Variants in VDAC1 observed in about 807,000 individuals in gnomAD.
VDAC1 encodes the protein non-selective voltage-gated ion channel VDAC1.
VDAC1 carries 10 observed loss-of-function variants against 34.7 expected under a neutral mutation model. The ratio of observed to expected loss-of-function variants is 0.29; its 90% confidence interval spans 0.18 to 0.49. VDAC1 has a LOEUF of 0.49. Ranked by LOEUF, VDAC1 falls within the 20% of genes least tolerant of loss-of-function variation. VDAC1 has a pLI of 0.99. For synonymous variants in VDAC1, 130 were observed against 136.0 expected (o/e 0.96, Z 0.30); for missense variants, 230 against 347.9 (o/e 0.66, Z 2.69).
chr5:133,986,146 C>A (rs1752896579), intron 5 of VDAC1, among the ~76,000 whole-genome samples: 1 of 152,168 alleles, frequency 6.6e-6, no homozygotes, highest in Non-Finnish European at 1.5e-5. Flanking sequence ...CGAGAGAGGC[C>A]TGACTGATTT....
At chr5:134,087,625 C>G in the VDAC1 span, among the ~76,000 whole-genome samples, 6 of 152,158 alleles carry the variant, frequency 3.9e-5, no homozygotes, top group Admixed American at 3.9e-4. Flanking sequence ...GAGGCTGAGG[C>G]GGGCAGATCA....
At chr5:134,015,107 G>A in the VDAC1 span, among the ~76,000 whole-genome samples, 2 of 152,100 alleles carry the variant, frequency 1.3e-5, no homozygotes, top group East Asian at 1.9e-4. Flanking sequence ...ATGAATGCAG[G>A]AATAGAAAAC....
At chr5:134,081,990 A>C in the VDAC1 span, 2 of 164,624 alleles carry the variant, frequency 1.2e-5, no homozygotes, top group Admixed American at 6.5e-5. Flanking sequence ...TCTGAGCCAG[A>C]TACATTCCAA....
intron 1 of VDAC1, among the ~76,000 whole-genome samples, chr5:133,996,481 T>C (rs947144984): frequency 6.6e-6 from 1 of 152,018 alleles, no homozygotes; most frequent in African/African-American, 2.4e-5. Context: ...TTACGTAACC[T>C]CTGTCTTGGG....
intron 5 of VDAC1, among the ~76,000 whole-genome samples, chr5:133,982,821 T>G (rs1234867334): frequency 1.6e-5 from 2 of 128,612 alleles, no homozygotes. Context: ...ACCCAGGAGG[T>G]GGAGGTTGCA....
the VDAC1 span, among the ~76,000 whole-genome samples, chr5:134,011,935 C>A: frequency 1.3e-5 from 2 of 151,906 alleles, no homozygotes; most frequent in Non-Finnish European, 2.9e-5. Flanking sequence ...CCACCATGCC[C>A]GGCCTACAGT....
At chr5:134,097,926 A>ATCT in the VDAC1 span, among the ~76,000 whole-genome samples, 7 of 151,700 alleles carry the variant, frequency 4.6e-5, no homozygotes, top group Non-Finnish European at 1.0e-4. Flanking sequence ...CTGGAGTGCA[A>ATCT]CGGCAAGATC....
intron 1 of VDAC1, among the ~76,000 whole-genome samples, chr5:133,996,288 C>T (rs893159632): frequency 6.6e-6 from 1 of 152,172 alleles, no homozygotes; most frequent in African/African-American, 2.4e-5. Context: ...CAAGTCACAC[C>T]AGGATACAGG....
the VDAC1 span, among the ~76,000 whole-genome samples, chr5:134,083,350 G>A: frequency 0.015 from 2,237 of 151,990 alleles, 62 homozygotes; most frequent in African/African-American, 0.051. Flanking sequence ...CACCATGCCC[G>A]GCTAATTTTT....
intron 1 of VDAC1, among the ~76,000 whole-genome samples, chr5:134,003,009 T>G (rs1753619701): frequency 6.6e-6 from 1 of 151,184 alleles, no homozygotes. Flanking sequence ...GGTCTGGGCC[T>G]GCAGCCCTTC....
At chr5:134,085,722 T>TG in the VDAC1 span, among the ~76,000 whole-genome samples, 1 of 44,224 alleles carries the variant, frequency 2.3e-5, no homozygotes, top group Non-Finnish European at 3.7e-5. Context: ...ACCCCATTTC[T>TG]AAAAAAAAAA....
chr5:134,082,011 CA>C, the VDAC1 span: 6 of 163,002 alleles, frequency 3.7e-5, no homozygotes, highest in Non-Finnish European at 5.4e-5. Flanking sequence ...CCATGTTGGC[CA>C]AAGTGAATCC....
intron 2 of VDAC1, 129 bp downstream of exon 2, chr5:133,992,817 T>A (rs1380053673): frequency 1.1e-6 from 1 of 888,670 alleles, no homozygotes; most frequent in Non-Finnish European, 1.7e-6. Context: ...AATGAAAGCT[T>A]CTTTTTTCCC....
chr5:134,055,603 T>TTGTTTTTG, the VDAC1 span, among the ~76,000 whole-genome samples: 3 of 140,472 alleles, frequency 2.1e-5, no homozygotes, highest in African/African-American at 8.0e-5. Context: ...TTTTTTTTTT[T>TTGTTTTTG]TTTTTTTTTT....
chr5:134,069,795 T>G, the VDAC1 span, among the ~76,000 whole-genome samples: 3 of 152,228 alleles, frequency 2.0e-5, no homozygotes, highest in South Asian at 2.1e-4. Context: ...TGCCAGATGA[T>G]TAAGGCATTC....
At chr5:133,980,688 A>AGGC in intron 6 of VDAC1, 41 bp downstream of exon 6, 5 of 612,642 alleles carry the variant, frequency 8.2e-6, no homozygotes, top group African/African-American at 1.8e-5. Flanking sequence ...CACATGCTCC[A>AGGC]ACCCCACCCC....
At chr5:134,081,585 C>G in the VDAC1 span, among the ~76,000 whole-genome samples, 1 of 152,188 alleles carries the variant, frequency 6.6e-6, no homozygotes, top group Non-Finnish European at 1.5e-5. Context: ...CAAAACTCAT[C>G]AATTTTTCTT....
upstream of VDAC1, chr5:134,005,502 G>A (rs1281615212): frequency 6.6e-6 from 1 of 152,274 alleles, no homozygotes; most frequent in Non-Finnish European, 1.5e-5. Context: ...AAAGCTACTA[G>A]CAGCCAATTT....
At chr5:134,015,395 C>A in the VDAC1 span, among the ~76,000 whole-genome samples, 1 of 152,140 alleles carries the variant, frequency 6.6e-6, no homozygotes, top group African/African-American at 2.4e-5. Flanking sequence ...AAATAAAGTG[C>A]CATCTATGAA....
Sources: gnomAD v4.1 joint callset for allele counts (sites outside exome capture counted in the v4.1 genomes callset) on GRCh38, gnomAD v4.1.1 for gene constraint, MANE v1.5 for transcripts, NCBI Gene and HGNC (gene_info 2026-07-23, HGNC 2026-07-21) for gene names.